MARCO: variants seen among roughly 807,000 people sequenced by gnomAD.
MARCO encodes the protein macrophage receptor MARCO.
Under a neutral mutation model 70.0 loss-of-function variants are expected in MARCO, and 72 were observed. That is an observed-to-expected ratio of 1.03 (90% confidence interval 0.85 to 1.25). The LOEUF (loss-of-function observed/expected upper bound fraction) is 1.25, where lower values mean the gene tolerates loss of function less well. Ranked by LOEUF, MARCO falls within the 50% of genes most tolerant of loss-of-function variation. The pLI is 0.00. For missense variants in MARCO, 696 were observed against 659.3 expected (o/e 1.06, Z -0.61); for synonymous variants, 273 against 243.1 (o/e 1.12, Z -1.14).
chr2:118,992,587 G>T lies in MARCO; in HGVS notation c.1252+111G>T, dbSNP rs1429761047. On this transcript the variant is annotated intron_variant, in intron 15 of 16. Transcript: ENST00000327097. ...GGTTCTCAAATAAATTTCTCATTTT[G>T]GGGAGGAGTTGAGGGTCTAGTCCCT... 7.2e-6 allele frequency: 7 copies of T among 966,404 alleles called. No homozygotes were observed. In the African/African-American group the frequency reaches 8.1e-5, roughly 11 times the overall value. 59.9% of individuals were successfully genotyped at this position (966,404 alleles called of 1,614,324 possible). A position where few individuals can be genotyped will look rare whatever the true frequency, so the allele number is the denominator to read the frequency against.
At chr2:118,986,605 G>GA (rs1202267390) in intron 12 of MARCO, among the ~76,000 whole-genome samples, 1 of 13,642 alleles carries the variant, frequency 7.3e-5, no homozygotes, top group Non-Finnish European at 1.2e-4. Context: ...AAGAAAGAAA[G>GA]AAAGAAAGAA....
In MARCO at chr2:118,981,143, G is replaced by T. The variant is rs1036152525; in HGVS notation, c.767-266G>T. On this transcript the variant is annotated intron_variant, in intron 8 of 16. Coordinates refer to ENST00000327097, the MANE Select transcript of MARCO (RefSeq NM_006770.4). ...CAGTGCTGGCTGAGCCTTGGCTATTGTCCCTCCCAAGGGGACCAGGGCTTT... is the reference window on the plus strand; with the variant it reads ...CAGTGCTGGCTGAGCCTTGGCTATTTTCCCTCCCAAGGGGACCAGGGCTTT... Among the ~76,000 whole-genome samples the T allele has an allele frequency of 2.0e-5, 3 of 151,962 alleles. No homozygotes were observed. In the East Asian group the frequency reaches 5.8e-4, roughly 30 times the overall value.
chr2:118,988,888 A>G (rs1680564116), intron 12 of MARCO, among the ~76,000 whole-genome samples: 1 of 152,120 alleles, frequency 6.6e-6, no homozygotes, highest in Admixed American at 6.5e-5. Flanking sequence ...GTCCTGTTAC[A>G]TCATTTATTC....
chr2:118,992,304 C>A (rs1680637815), intron 14 of MARCO, 128 bp from the exon 15 acceptor site: 2 of 705,808 alleles, frequency 2.8e-6, no homozygotes, highest in Non-Finnish European at 2.5e-6. Context: ...TAATGCCAGG[C>A]CACAGGCGAG....
At chr2:118,966,667 C>T (rs369415121) in intron 1 of MARCO, among the ~76,000 whole-genome samples, 21 of 152,356 alleles carry the variant, frequency 1.4e-4, no homozygotes, top group African/African-American at 4.6e-4. Flanking sequence ...TTCCACCACG[C>T]TCTGACCATA....
chr2:118,985,850 C>T (rs17010144), intron 12 of MARCO, among the ~76,000 whole-genome samples: 2,739 of 152,226 alleles, frequency 0.018, 109 homozygotes, highest in South Asian at 0.12. Flanking sequence ...TCTCAATGGC[C>T]TTTATGTCTA....
Position 118,974,343 on chromosome 2 carries a change from TCA to T in MARCO, c.474_475del (p.His158GlnfsTer18), listed in dbSNP as rs1680232801. On this transcript the variant is annotated frameshift_variant, in exon 5 of 17. Transcript: ENST00000327097. LOFTEE classifies it high-confidence loss of function. Reference protein sequence around the residue: ...GEQGAPGLQGHKGAMGMPGAP... With the variant: ...GEQGAPGLQGXKGAMGMPGAP... ...GTTCCTCTTCCTCAGGTCTTCAAGG[TCA>T]CAAGGGGGCCATGGGCATGCCTGGT... The T allele has an allele frequency of 6.3e-7, 1 of 1,599,632 alleles. No individual in the cohort carries two copies. Among genetic ancestry groups the T allele is most frequent in the East Asian group, 2.3e-5 (1 of 44,442 alleles).
intron 1 of MARCO, among the ~76,000 whole-genome samples, chr2:118,958,676 C>CA (rs1679883317): frequency 6.6e-6 from 1 of 151,886 alleles, no homozygotes; most frequent in Non-Finnish European, 1.5e-5. Flanking sequence ...CATATGGAAC[C>CA]AAAAAAGAGA....
intron 1 of MARCO, among the ~76,000 whole-genome samples, chr2:118,965,836 TC>T (rs1558835076): frequency 6.6e-6 from 1 of 152,198 alleles, no homozygotes; most frequent in Non-Finnish European, 1.5e-5. Context: ...TTCTTGCTGG[TC>T]CCCTGCTGGT....
At chr2:118,969,920 T>C (rs1460843663) in intron 2 of MARCO, among the ~76,000 whole-genome samples, 194 bp from the exon 3 acceptor site, 1 of 152,178 alleles carries the variant, frequency 6.6e-6, no homozygotes, top group Non-Finnish European at 1.5e-5. Context: ...GGACGTGCAA[T>C]ATCATGCCTG....
rs148365853 is a variant in MARCO at position 118,979,556 on chromosome 2, G to T, written c.766+1621G>T. On this transcript the variant is annotated intron_variant, in intron 8 of 16. Transcript: ENST00000327097. Reference sequence around the variant, plus strand: ...TGGTCCTGCCAGCCCCAGAGAAGGGGCCTCAGCCAGGTCTTTGCCCACTGA... The same window carrying T: ...TGGTCCTGCCAGCCCCAGAGAAGGGTCCTCAGCCAGGTCTTTGCCCACTGA... Among the ~76,000 whole-genome samples, 258 of 152,322 alleles carry T rather than the reference G, an allele frequency of 1.7e-3. 12 individuals carry two copies. In the East Asian group the frequency reaches 0.041, roughly 24 times the overall value.
intron 1 of MARCO, among the ~76,000 whole-genome samples, chr2:118,960,642 T>C (rs1194742730): frequency 6.6e-6 from 1 of 152,222 alleles, no homozygotes; most frequent in Non-Finnish European, 1.5e-5. Context: ...CTTGCATATC[T>C]GGAATAAATC....
chr2:118,960,290 G>C, intron 1 of MARCO, among the ~76,000 whole-genome samples: 1 of 151,876 alleles, frequency 6.6e-6, no homozygotes, highest in Non-Finnish European at 1.5e-5. Context: ...GAACTTCCCA[G>C]TGCTATGTTG....
Position 118,977,699 on chromosome 2 carries a change from G to C in MARCO, c.659-129G>C, listed in dbSNP as rs73948247. ...TCAAGACCACCCAAGAAATGAGCTA[G>C]CACATCCCCCAGAGGAAATCTGGGG... On this transcript the variant is annotated intron_variant, in intron 7 of 16. Transcript: ENST00000327097. 1.6e-3 allele frequency: 1,290 copies of C among 829,502 alleles called. 13 individuals carry two copies. The African/African-American group carries it at 0.019, about 12-fold the overall frequency. The allele number at this position is 829,502 out of a possible 1,614,324, so 51.4% of individuals were successfully genotyped here.
At chr2:118,972,682 A>G (rs1420459250) in intron 4 of MARCO, among the ~76,000 whole-genome samples, 1 of 152,198 alleles carries the variant, frequency 6.6e-6, no homozygotes, top group Non-Finnish European at 1.5e-5. Flanking sequence ...ATTATTTGCT[A>G]TTGTTATATA....
intron 16 of MARCO, 130 bp from the exon 17 acceptor site, chr2:118,994,257 G>A (rs541148491): frequency 1.9e-5 from 18 of 968,720 alleles, no homozygotes; most frequent in South Asian, 2.8e-5. Flanking sequence ...ACATTGGGCC[G>A]GAATGGGCCA....
At chr2:118,977,632 C>A in intron 7 of MARCO, 117 bp downstream of exon 7, 1 of 875,572 alleles carries the variant, frequency 1.1e-6, no homozygotes, top group Non-Finnish European at 1.8e-6. Context: ...ACAGTTACTG[C>A]CCACCCTACA....
At chr2:118,989,162 C>T (rs1680574956) in intron 12 of MARCO, among the ~76,000 whole-genome samples, 1 of 152,202 alleles carries the variant, frequency 6.6e-6, no homozygotes, top group African/African-American at 2.4e-5. Flanking sequence ...CAGGTGGTGA[C>T]ATCTGACATC....
intron 1 of MARCO, among the ~76,000 whole-genome samples, chr2:118,963,078 C>A (rs901300195): frequency 7.9e-5 from 12 of 151,358 alleles, no homozygotes; most frequent in African/African-American, 2.7e-4. Flanking sequence ...TTTTCTCTAT[C>A]TTCCTATTTT....
Sources: allele counts gnomAD v4.1 joint callset (sites outside exome capture counted in the v4.1 genomes callset), GRCh38; gene constraint gnomAD v4.1.1; transcripts MANE v1.5; gene names NCBI Gene and HGNC (gene_info 2026-07-23, HGNC 2026-07-21).